CPA6: variants seen among roughly 807,000 people sequenced by gnomAD.
CPA6 encodes carboxypeptidase B.
A neutral mutation model predicts 63.3 loss-of-function variants in CPA6; 58 were observed. The observed-to-expected ratio is 0.92, with a 90% CI of 0.74 to 1.14. CPA6 has a LOEUF of 1.14. CPA6 is among the 50% of genes most tolerant of loss of function. The probability of loss-of-function intolerance (pLI) is 0.00; values close to 1 mark genes in which losing one functional copy is unlikely to be tolerated. For missense variants in CPA6, 565 were observed against 526.6 expected (o/e 1.07, Z -0.71); for synonymous variants, 185 against 179.0 (o/e 1.03, Z -0.27).
intron 1 of CPA6, among the ~76,000 whole-genome samples, chr8:67,715,085 GT>G (rs1275588705): frequency 6.6e-6 from 1 of 152,038 alleles, no homozygotes; most frequent in Non-Finnish European, 1.5e-5. Flanking sequence ...AGCAAATGTG[GT>G]TTTTGTTTTT....
chr8:67,721,309 G>A (rs13277753), intron 1 of CPA6, among the ~76,000 whole-genome samples: 1 of 152,060 alleles, frequency 6.6e-6, no homozygotes, highest in East Asian at 1.9e-4. Flanking sequence ...CTTTCTAAAA[G>A]GTTCCCTTTC....
chr8:67,475,811 T>G (rs1811177219), intron 8 of CPA6, among the ~76,000 whole-genome samples: 4 of 76,878 alleles, frequency 5.2e-5, no homozygotes, highest in Non-Finnish European at 9.7e-5. Flanking sequence ...CTTTCTTTCT[T>G]TCTTTCCTTT....
intron 8 of CPA6, among the ~76,000 whole-genome samples, chr8:67,477,289 CAAAAAAAAA>C (rs10570927): frequency 1.5e-5 from 1 of 66,492 alleles, no homozygotes; most frequent in African/African-American, 5.6e-5. Flanking sequence ...GACTCCATCT[CAAAAAAAAA>C]AAAAAAAAAA....
chr8:67,484,792 A>G lies in CPA6; in HGVS notation c.637-3T>C, dbSNP rs138798669. On this transcript the variant is annotated splice_region_variant and splice_polypyrimidine_tract_variant and intron_variant, in intron 6 of 10. Coordinates refer to ENST00000297770, the MANE Select transcript of CPA6 (RefSeq NM_020361.5). ...TCACTCTTATATGTTAGAAGAGCCT[A>G]AAAGACAAAGGTGAGATTTTTCTTT... 5.1e-4 allele frequency: 780 copies of G among 1,532,088 alleles called. 4 individuals are homozygous for G. In the African/African-American group the frequency reaches 9.7e-3, roughly 19 times the overall value. 94.9% of individuals were successfully genotyped at this position (1,532,088 alleles called of 1,614,324 possible).
Position 67,509,530 on chromosome 8 carries a change from A to T in CPA6, c.521T>A (p.Leu174His). 6.5e-7 allele frequency: 1 copy of T among 1,539,922 alleles called. No homozygotes were observed. Among genetic ancestry groups the T allele is most frequent in the Non-Finnish European group, 8.9e-7 (1 of 1,120,676 alleles). The part of the protein sequence containing the change: ...SIGRSYEGRS[L>H]FILKLGRRSR... ...GCTTATTTTTACCTTTAAAATAAAA[A>T]GAGATCTTCCCTCATATGATCTTCC... The change falls in exon 5 of 11, where the codon CTT becomes CAT. Residue 174 changes from leucine (L) to histidine (H), a missense_variant. Coordinates refer to ENST00000297770, the MANE Select transcript of CPA6 (RefSeq NM_020361.5).
chr8:67,600,575 C>T (rs553610394), intron 2 of CPA6, among the ~76,000 whole-genome samples: 46 of 152,138 alleles, frequency 3.0e-4, no homozygotes, highest in Admixed American at 1.0e-3. Context: ...CTTAAATGAG[C>T]CATTTCTCAA....
intron 1 of CPA6, among the ~76,000 whole-genome samples, chr8:67,629,998 G>A (rs1291487141): frequency 1.3e-5 from 2 of 151,750 alleles, no homozygotes; most frequent in African/African-American, 2.4e-5. Context: ...CCAGCTACTC[G>A]GGAGGCTGAG....
rs17345401 is a variant in CPA6 at position 67,569,868 on chromosome 8, A to G, written c.193-51821T>C. On this transcript the variant is annotated intron_variant, in intron 2 of 10. Transcript: ENST00000297770. ...CAAATTTCAAGGTGAAGCTCTCTCA[A>G]ACATTCAAGGAAACATGTAGCCTCT... 1,559 of 186,450 alleles carry G rather than the reference A, an allele frequency of 8.4e-3. 8 individuals are homozygous for G. Among genetic ancestry groups the G allele is most frequent in the Non-Finnish European group, 0.014 (1,269 of 90,014 alleles). The allele number at this position is 186,450 out of a possible 1,614,324, so 11.5% of individuals were successfully genotyped here. A position where few individuals can be genotyped will look rare whatever the true frequency, so the allele number is the denominator to read the frequency against.
intron 1 of CPA6, among the ~76,000 whole-genome samples, chr8:67,742,822 T>C (rs1037427696): frequency 2.6e-5 from 4 of 152,184 alleles, no homozygotes; most frequent in South Asian, 4.1e-4. Flanking sequence ...CGCTGACACA[T>C]GAAGAAGGCA....
intron 2 of CPA6, among the ~76,000 whole-genome samples, chr8:67,558,351 CT>C (rs1488408379): frequency 4.6e-5 from 7 of 152,084 alleles, no homozygotes; most frequent in African/African-American, 1.7e-4. Context: ...ATCTTGTTTA[CT>C]TTTTTATTTG....
intron 8 of CPA6, among the ~76,000 whole-genome samples, chr8:67,435,421 T>TGGGGGCTGGAGA: frequency 6.6e-6 from 1 of 151,934 alleles, no homozygotes; most frequent in South Asian, 2.1e-4. Flanking sequence ...CCACAGATGT[T>TGGGGGCTGGAGA]GGGGGCTGGA....
chr8:67,630,801 G>A (rs1040474173), intron 1 of CPA6, among the ~76,000 whole-genome samples: 7 of 152,226 alleles, frequency 4.6e-5, no homozygotes, highest in East Asian at 1.9e-4. Flanking sequence ...CGCAGGCTCC[G>A]CGGCCCCGCA....
At chr8:67,681,220 T>TTTTTTTTTTTTGG (rs60654107) in intron 1 of CPA6, among the ~76,000 whole-genome samples, 1 of 129,794 alleles carries the variant, frequency 7.7e-6, no homozygotes, top group Admixed American at 7.4e-5. Context: ...TTTTTTTTTT[T>TTTTTTTTTTTTGG]GAGACGGAGT....
intron 2 of CPA6, among the ~76,000 whole-genome samples, chr8:67,573,129 A>T (rs1313387771): frequency 1.3e-5 from 2 of 152,254 alleles, no homozygotes; most frequent in African/African-American, 4.8e-5. Context: ...ATATAAACAC[A>T]ATAAAAGCCA....
At chr8:67,690,069 T>C (rs1816785307) in intron 1 of CPA6, among the ~76,000 whole-genome samples, 1 of 152,218 alleles carries the variant, frequency 6.6e-6, no homozygotes, top group Admixed American at 6.5e-5. Context: ...TGCTTTTATG[T>C]CTTCTTTAGA....
intron 2 of CPA6, among the ~76,000 whole-genome samples, chr8:67,542,358 C>T (rs17429582): frequency 1.3e-5 from 2 of 152,250 alleles, no homozygotes; most frequent in East Asian, 1.9e-4. Flanking sequence ...CTCTTAGTAG[C>T]GCTAAACCAG....
At chr8:67,543,535 A>G (rs1325569454) in intron 2 of CPA6, among the ~76,000 whole-genome samples, 1 of 152,224 alleles carries the variant, frequency 6.6e-6, no homozygotes, top group African/African-American at 2.4e-5. Flanking sequence ...TAGCAATGGG[A>G]AGACAGATTT....
intron 1 of CPA6, among the ~76,000 whole-genome samples, chr8:67,687,556 G>A (rs1281434648): frequency 6.6e-6 from 1 of 152,130 alleles, no homozygotes; most frequent in Non-Finnish European, 1.5e-5. Context: ...CTGCTAATGG[G>A]GTTGTTGGTT....
rs773617395 is a variant in CPA6, at chr8:67,746,002, C to G, written c.116+12G>C. 1.4e-5 allele frequency: 22 copies of G among 1,598,974 alleles called. No homozygotes were observed. The highest frequency in any genetic ancestry group is 1.7e-5 in the Non-Finnish European group (20 of 1,167,724). On this transcript the variant is annotated intron_variant, in intron 1 of 10. Coordinates refer to ENST00000297770, the MANE Select transcript of CPA6 (RefSeq NM_020361.5). ...TCAAAGCTGTGTAGGGCATGAATGT[C>G]GCTCCACTTACCCAGCATAGCGGTT...
Sources: allele counts gnomAD v4.1 joint callset (sites outside exome capture counted in the v4.1 genomes callset), GRCh38; gene constraint gnomAD v4.1.1; transcripts MANE v1.5; gene names NCBI Gene and HGNC (gene_info 2026-07-23, HGNC 2026-07-21).